APELA: variants seen among roughly 807,000 people sequenced by gnomAD.
APELA encodes apelin receptor early endogenous ligand.
intron 2 of APELA, among the ~76,000 whole-genome samples, chr4:164,885,167 G>T (rs979281995): frequency 2.6e-5 from 4 of 152,090 alleles, no homozygotes; most frequent in Admixed American, 2.6e-4. Context: ...GTCTTGCTCT[G>T]TCGCCCAGGC....
intron 2 of APELA, among the ~76,000 whole-genome samples, chr4:164,880,655 A>G (rs1242118229): frequency 6.6e-6 from 1 of 152,238 alleles, no homozygotes; most frequent in Non-Finnish European, 1.5e-5. Flanking sequence ...ACATTTCACA[A>G]TAGCAAGAGA....
At chr4:164,889,228 G>A (rs890416101) in intron 2 of APELA, among the ~76,000 whole-genome samples, 1 of 151,684 alleles carries the variant, frequency 6.6e-6, no homozygotes, top group Non-Finnish European at 1.5e-5. Flanking sequence ...AGTTCTTTAG[G>A]TATCACATTT....
rs1341245346 is a variant in APELA, at chr4:164,882,385, T to C, written c.*1+3376T>C. Among the ~76,000 whole-genome samples, 4 of 152,262 alleles carry C rather than the reference T, an allele frequency of 2.6e-5. No individual in the cohort carries two copies. In the East Asian group the frequency reaches 7.7e-4, roughly 29 times the overall value. On this transcript the variant is annotated intron_variant, in intron 2 of 2. Transcript: ENST00000507152. ...TCCCAAAGTGCTGGGATTACAGGCA[T>C]GAGCCACTGCGCCTGGTCTAGCTAG...
chr4:164,888,062 T>C lies in APELA; in HGVS notation c.*2-7354T>C, dbSNP rs568094630. Reference sequence around the variant, plus strand: ...CTAAGTTCTCAGCCAACCCTCTGCCTCCTAAACAGGCTGTTGTACCCTGCA... The same window carrying C: ...CTAAGTTCTCAGCCAACCCTCTGCCCCCTAAACAGGCTGTTGTACCCTGCA... On this transcript the variant is annotated intron_variant, in intron 2 of 2. Transcript: ENST00000507152. Among the ~76,000 whole-genome samples the C allele has an allele frequency of 8.5e-5, 13 of 152,278 alleles. No homozygotes were observed. The East Asian group carries it at 2.5e-3, about 29-fold the overall frequency.
Position 164,896,502 on chromosome 4 carries a change from T to C in APELA, c.*1088T>C, listed in dbSNP as rs1047762438. ...GCCAATGAAGTCCCACTCAGGGTGA[T>C]ATCTGTATCTAAAAGATGAGTGCTC... On this transcript the variant is annotated 3_prime_UTR_variant, in exon 3 of 3. Coordinates refer to ENST00000507152, the MANE Select transcript of APELA (RefSeq NM_001297550.2). The C allele has an allele frequency of 1.3e-5, 2 of 152,196 alleles. No individual in the cohort carries two copies. The highest frequency in any genetic ancestry group is 2.4e-5 in the African/African-American group (1 of 41,448). The allele number at this position is 152,196 out of a possible 1,614,324, so 9.4% of individuals were successfully genotyped here.
At chr4:164,892,321 A>T (rs1730898293) in intron 2 of APELA, among the ~76,000 whole-genome samples, 1 of 152,160 alleles carries the variant, frequency 6.6e-6, no homozygotes, top group South Asian at 2.1e-4. Context: ...ACCCTGTCTC[A>T]AAAGAAAAAA....
rs148856335 is a variant in APELA, at chr4:164,894,657, G to A, written c.*2-759G>A. On this transcript the variant is annotated intron_variant, in intron 2 of 2. Coordinates refer to ENST00000507152, the MANE Select transcript of APELA (RefSeq NM_001297550.2). Reference sequence around the variant, plus strand: ...TGGGCTTAAGCAATCCACCTGCCTCGGCTTCCCAAAGTGCCAGGATTATAG... The same window carrying A: ...TGGGCTTAAGCAATCCACCTGCCTCAGCTTCCCAAAGTGCCAGGATTATAG... 2.6e-3 allele frequency among the ~76,000 whole-genome samples: 393 copies of A among 152,084 alleles called. 1 individual carries two copies. The highest frequency in any genetic ancestry group is 3.5e-3 in the Non-Finnish European group (235 of 68,002).
intron 2 of APELA, among the ~76,000 whole-genome samples, chr4:164,889,709 G>A (rs1579111532): frequency 6.6e-6 from 1 of 152,066 alleles, no homozygotes; most frequent in Non-Finnish European, 1.5e-5. Flanking sequence ...TAGTCCAGTC[G>A]GCCCTCCATA....
intron 2 of APELA, among the ~76,000 whole-genome samples, chr4:164,888,572 T>C (rs1730822309): frequency 6.6e-6 from 1 of 152,176 alleles, no homozygotes; most frequent in Non-Finnish European, 1.5e-5. Flanking sequence ...CTGCAGTTTG[T>C]GGGTCAAAGC....
intron 2 of APELA, among the ~76,000 whole-genome samples, chr4:164,892,788 A>C (rs1380496486): frequency 6.6e-6 from 1 of 152,192 alleles, no homozygotes; most frequent in East Asian, 1.9e-4. Flanking sequence ...TTTTCTTGCT[A>C]TATATCCATT....
chr4:164,884,287 C>T (rs192477586), intron 2 of APELA, among the ~76,000 whole-genome samples: 6 of 152,208 alleles, frequency 3.9e-5, no homozygotes, highest in African/African-American at 1.2e-4. Context: ...TAGCGACCAG[C>T]CCATGTTCTC....
chr4:164,878,832 T>C, intron 1 of APELA, 88 bp from the exon 2 acceptor site: 1 of 398,130 alleles, frequency 2.5e-6, no homozygotes, highest in Non-Finnish European at 4.4e-6. Context: ...CAATCTAGTT[T>C]GGCTCCAAAA....
downstream of APELA, chr4:164,897,555 A>C (rs1731000437): frequency 6.6e-6 from 1 of 152,242 alleles, no homozygotes. Flanking sequence ...TTTGTATAAG[A>C]AATGTTCAGT....
downstream of APELA, among the ~76,000 whole-genome samples, chr4:164,898,502 C>CAAA (rs371909619): frequency 1.1e-5 from 1 of 89,556 alleles, no homozygotes; most frequent in Non-Finnish European, 2.5e-5. Context: ...AACTCTGCCT[C>CAAA]AAAAAAAAAA....
At chr4:164,884,809 T>C (rs938992285) in intron 2 of APELA, among the ~76,000 whole-genome samples, 9 of 152,230 alleles carry the variant, frequency 5.9e-5, no homozygotes, top group African/African-American at 2.2e-4. Context: ...AGTCCATTCT[T>C]CACCTCTTAA....
chr4:164,892,195 G>A (rs1157642511), intron 2 of APELA, among the ~76,000 whole-genome samples: 1 of 151,844 alleles, frequency 6.6e-6, no homozygotes, highest in Non-Finnish European at 1.5e-5. Context: ...ATGCACCTAC[G>A]GTCCCAGCTA....
At chr4:164,884,078 AAAG>A (rs1730713668) in intron 2 of APELA, among the ~76,000 whole-genome samples, 1 of 145,252 alleles carries the variant, frequency 6.9e-6, no homozygotes, top group South Asian at 2.2e-4. Flanking sequence ...GGAGAGAAAG[AAAG>A]AAGGAAAAAA....
chr4:164,890,227 G>A (rs1293926890), intron 2 of APELA, among the ~76,000 whole-genome samples: 1 of 152,130 alleles, frequency 6.6e-6, no homozygotes, highest in African/African-American at 2.4e-5. Flanking sequence ...ATGAGGATAT[G>A]CATGTTTAAT....
chr4:164,877,452 T>C, intron 1 of APELA, 45 bp downstream of exon 1: 1 of 398,946 alleles, frequency 2.5e-6, no homozygotes, highest in Non-Finnish European at 4.4e-6. Flanking sequence ...TTTGCCTGTT[T>C]GCATCCCTGG....
Sources: gnomAD v4.1 joint callset for allele counts (sites outside exome capture counted in the v4.1 genomes callset) on GRCh38, gnomAD v4.1.1 for gene constraint, MANE v1.5 for transcripts, NCBI Gene and HGNC (gene_info 2026-07-23, HGNC 2026-07-21) for gene names.